ZMAT4: variants seen among roughly 807,000 people sequenced by gnomAD.
The protein encoded by ZMAT4 is zinc finger matrin-type 4, also known as zinc finger matrin-type protein 4.
ZMAT4 carries 17 observed loss-of-function variants against 28.7 expected under a neutral mutation model. The ratio of observed to expected loss-of-function variants is 0.59; its 90% CI spans 0.41 to 0.89. The LOEUF (loss-of-function observed/expected upper bound fraction) is 0.89. Among genes scored for constraint, ZMAT4 ranks in the 40% least tolerant of loss-of-function variants. The probability of loss-of-function intolerance (pLI) is 0.00; values close to 1 mark genes in which losing one functional copy is unlikely to be tolerated. For synonymous variants in ZMAT4, 117 were observed against 109.2 expected (o/e 1.07, Z -0.44); for missense variants, 240 against 283.8 (o/e 0.85, Z 1.11).
intron 1 of ZMAT4, among the ~76,000 whole-genome samples, chr8:40,850,587 C>A (rs1586166433): frequency 6.6e-6 from 1 of 152,212 alleles, no homozygotes. Flanking sequence ...GACAGGCACA[C>A]AATAGGCACT....
At chr8:40,622,626 C>A (rs547258414) in intron 5 of ZMAT4, among the ~76,000 whole-genome samples, 8 of 152,202 alleles carry the variant, frequency 5.3e-5, no homozygotes, top group Admixed American at 5.2e-4. Flanking sequence ...TTTGGCTCAT[C>A]ATTCTGCAGG....
intron 1 of ZMAT4, among the ~76,000 whole-genome samples, chr8:40,828,464 T>C (rs1816158365): frequency 6.6e-6 from 1 of 152,022 alleles, no homozygotes; most frequent in Non-Finnish European, 1.5e-5. Context: ...TCAAGGTACG[T>C]GTCGGACCAA....
intron 5 of ZMAT4, among the ~76,000 whole-genome samples, chr8:40,592,627 T>G (rs1486142104): frequency 6.6e-6 from 1 of 152,196 alleles, no homozygotes; most frequent in African/African-American, 2.4e-5. Context: ...GGGAATAAAT[T>G]TATTCTCAGT....
chr8:40,548,913 TTCAAGAGAAGCAAGCTAACCAATACCA>T (rs1803283577), intron 6 of ZMAT4, among the ~76,000 whole-genome samples: 1 of 152,162 alleles, frequency 6.6e-6, no homozygotes, highest in Non-Finnish European at 1.5e-5. Flanking sequence ...GATGCCAAGA[TTCAAGAGAAGCAAGCTAACCAATACCA>T]TTTGCTATGG....
chr8:40,582,946 A>G (rs1804541193), intron 5 of ZMAT4, among the ~76,000 whole-genome samples: 1 of 152,240 alleles, frequency 6.6e-6, no homozygotes, highest in Admixed American at 6.5e-5. Flanking sequence ...AAAATGAGGT[A>G]AGAGAGCATC....
chr8:40,754,857 T>A (rs1193493686), intron 3 of ZMAT4, among the ~76,000 whole-genome samples: 5 of 152,074 alleles, frequency 3.3e-5, no homozygotes, highest in Non-Finnish European at 7.4e-5. Flanking sequence ...AACTAAAAAA[T>A]TTTTAAAAAT....
intron 3 of ZMAT4, among the ~76,000 whole-genome samples, chr8:40,732,043 T>C (rs1224994969): frequency 2.0e-5 from 3 of 152,190 alleles, no homozygotes; most frequent in African/African-American, 7.2e-5. Context: ...AGTAGAATGG[T>C]GATTGCCAGG....
chr8:40,674,813 G>T lies in ZMAT4; in HGVS notation c.468C>A (p.Asn156Lys). 1 of 1,613,930 alleles carries T rather than the reference G, an allele frequency of 6.2e-7. No homozygotes were observed. The highest frequency in any genetic ancestry group is 8.5e-7 in the Non-Finnish European group (1 of 1,179,922). Residue 156 changes from asparagine (N) to lysine (K), a missense_variant, in exon 5 of 7, where the codon AAC (asparagine) becomes AAA (lysine). By Grantham distance (94) the Asn-to-Lys change is moderately conservative. Coordinates refer to ENST00000297737, the MANE Select transcript of ZMAT4 (RefSeq NM_024645.3). ...YCGLCAAWFN[N>K]PLMAQQHYDG... ...CATAATGTTGCTGGGCCATCAGAGGGTTATTAAACCAGGCTGCACAGAGCC... is the reference window on the plus strand; with the variant it reads ...CATAATGTTGCTGGGCCATCAGAGGTTTATTAAACCAGGCTGCACAGAGCC...
intron 6 of ZMAT4, among the ~76,000 whole-genome samples, chr8:40,547,377 T>C (rs971983509): frequency 2.0e-5 from 3 of 152,202 alleles, no homozygotes; most frequent in African/African-American, 4.8e-5. Flanking sequence ...CAGCTCGCTG[T>C]TAAGAAGCCT....
chr8:40,866,183 G>T (rs940786477), intron 1 of ZMAT4, among the ~76,000 whole-genome samples: 1 of 152,132 alleles, frequency 6.6e-6, no homozygotes, highest in African/African-American at 2.4e-5. Flanking sequence ...ACTAAACCAG[G>T]GATGATGGCT....
intron 1 of ZMAT4, among the ~76,000 whole-genome samples, chr8:40,854,339 T>C (rs997715503): frequency 6.6e-6 from 1 of 152,202 alleles, no homozygotes; most frequent in Non-Finnish European, 1.5e-5. Context: ...TAGACACAAT[T>C]TGAAATTCCT....
At chr8:40,607,117 CTTTTTTTTTTTTT>C (rs71544299) in intron 5 of ZMAT4, among the ~76,000 whole-genome samples, 1 of 65,716 alleles carries the variant, frequency 1.5e-5, no homozygotes, top group African/African-American at 6.5e-5. Context: ...TATCTTGTAT[CTTTTTTTTTTTTT>C]TTTTTTTTTT....
chr8:40,801,857 A>C (rs552198545), intron 2 of ZMAT4, among the ~76,000 whole-genome samples: 1 of 152,182 alleles, frequency 6.6e-6, no homozygotes, highest in Non-Finnish European at 1.5e-5. Flanking sequence ...TAAATCCAAC[A>C]ATGTACAAAA....
At chr8:40,595,180 C>G (rs1029563386) in intron 5 of ZMAT4, among the ~76,000 whole-genome samples, 2 of 152,128 alleles carry the variant, frequency 1.3e-5, no homozygotes, top group Non-Finnish European at 2.9e-5. Flanking sequence ...TATCAACAAC[C>G]TCTGCGAACA....
At chr8:40,603,373 G>T (rs1208890525) in intron 5 of ZMAT4, among the ~76,000 whole-genome samples, 2 of 152,028 alleles carry the variant, frequency 1.3e-5, no homozygotes, top group African/African-American at 4.8e-5. Context: ...CTCCAGATTT[G>T]TTCTTTTTGC....
At chr8:40,728,156 G>A (rs576102847) in intron 3 of ZMAT4, among the ~76,000 whole-genome samples, 3 of 152,256 alleles carry the variant, frequency 2.0e-5, no homozygotes, top group Admixed American at 2.0e-4. Context: ...AACTGACAAT[G>A]TCCTTAAGAT....
chr8:40,755,845 C>T (rs1812655771), intron 3 of ZMAT4, among the ~76,000 whole-genome samples: 2 of 152,162 alleles, frequency 1.3e-5, no homozygotes, highest in African/African-American at 4.8e-5. Context: ...TCCTAGCTTA[C>T]AGACCACACA....
chr8:40,858,654 G>A (rs1168844369), intron 1 of ZMAT4, among the ~76,000 whole-genome samples: 1 of 152,108 alleles, frequency 6.6e-6, no homozygotes, highest in African/African-American at 2.4e-5. Context: ...CAGAGCTAGG[G>A]TGAAAAAAGG....
chr8:40,596,757 G>C (rs116154258), intron 5 of ZMAT4, among the ~76,000 whole-genome samples: 1 of 152,168 alleles, frequency 6.6e-6, no homozygotes, highest in Non-Finnish European at 1.5e-5. Context: ...TTGCTAAAAT[G>C]TATTTGTAAC....
Sources: gnomAD v4.1 joint callset for allele counts (sites outside exome capture counted in the v4.1 genomes callset) on GRCh38, gnomAD v4.1.1 for gene constraint, MANE v1.5 for transcripts, NCBI Gene and HGNC (gene_info 2026-07-23, HGNC 2026-07-21) for gene names.